FGF13: variants seen among roughly 807,000 people sequenced by gnomAD.
FGF13 encodes fibroblast growth factor 13.
Under a neutral mutation model 19.5 loss-of-function variants are expected in FGF13, and 2 were observed. The ratio of observed to expected loss-of-function variants is 0.10; its 90% confidence interval spans 0.04 to 0.32. The LOEUF is 0.32. Ranked by LOEUF, FGF13 falls within the 10% of genes least tolerant of loss-of-function variation. The pLI is 1.00. For synonymous variants in FGF13, 72 were observed against 76.9 expected, an observed-to-expected ratio of 0.94 and a Z score of 0.33; for missense variants, 113 against 192.7, an observed-to-expected ratio of 0.59 and a Z score of 2.45.
At chrX:138,841,704 G>C (rs1366741836) in intron 3 of FGF13, among the ~76,000 whole-genome samples, 4 of 111,298 alleles carry the variant, frequency 3.6e-5, no homozygotes, top group Non-Finnish European at 7.5e-5. Flanking sequence ...AATTAGCTAA[G>C]AGGTAAACTT....
intron 1 of FGF13, among the ~76,000 whole-genome samples, chrX:139,009,194 G>A: frequency 8.9e-6 from 1 of 112,079 alleles, no homozygotes; most frequent in East Asian, 2.8e-4. Context: ...TGTTCCTGAG[G>A]AAGAAGAGAA....
At chrX:138,875,995 TACACACACACACAC>T (rs749175408) in intron 1 of FGF13, among the ~76,000 whole-genome samples, 3 of 98,062 alleles carry the variant, frequency 3.1e-5, no homozygotes, top group African/African-American at 7.4e-5. Flanking sequence ...TATCGGCTTG[TACACACACACACAC>T]ACACACACAC....
intron 1 of FGF13, among the ~76,000 whole-genome samples, chrX:138,969,555 G>T (rs1184503049): frequency 1.8e-5 from 2 of 111,416 alleles, no homozygotes; most frequent in Non-Finnish European, 3.8e-5. Context: ...TAAGGTTGTG[G>T]GGTGTCACAT....
downstream of FGF13, among the ~76,000 whole-genome samples, chrX:138,856,489 T>A (rs1347772039): frequency 8.9e-6 from 1 of 111,839 alleles, no homozygotes; most frequent in African/African-American, 3.3e-5. Flanking sequence ...AGGATTCCCA[T>A]AATGATGCAA....
At position 138,658,267 on chromosome X, in the gene FGF13, T is replaced by C. The variant is rs183400504; in HGVS notation, c.403-22612A>G. ...ACTGTCAAAACAGACAAGTTTCCTT[T>C]AAATAAAGGTGTAAGCAAATACAAC... On this transcript the variant is annotated intron_variant, in intron 3 of 4. Coordinates refer to ENST00000315930, the MANE Select transcript of FGF13 (RefSeq NM_004114.5). Among the ~76,000 whole-genome samples the C allele has an allele frequency of 3.5e-3, 396 of 112,457 alleles. 1 individual carries two copies. The highest frequency in any genetic ancestry group is 0.017 in the South Asian group (47 of 2,708).
chrX:138,848,289 C>G (rs1328177630), intron 3 of FGF13, among the ~76,000 whole-genome samples: 6 of 111,326 alleles, frequency 5.4e-5, no homozygotes, highest in Non-Finnish European at 1.1e-4. Context: ...CAGCTGAGCC[C>G]TCTATCACAG....
intron 1 of FGF13, among the ~76,000 whole-genome samples, chrX:139,053,197 G>A (rs1400453846): frequency 2.7e-5 from 3 of 111,340 alleles, no homozygotes; most frequent in African/African-American, 9.8e-5. Context: ...TTATGGCTGA[G>A]TAGTATTCCA....
At chrX:138,704,541 G>A in intron 2 of FGF13, among the ~76,000 whole-genome samples, 1 of 112,295 alleles carries the variant, frequency 8.9e-6, no homozygotes, top group East Asian at 2.8e-4. Context: ...GGTAAGAATA[G>A]TTTTTCTGGG....
At chrX:138,824,723 T>A (rs1347933588) in intron 3 of FGF13, among the ~76,000 whole-genome samples, 1 of 111,569 alleles carries the variant, frequency 9.0e-6, no homozygotes, top group Non-Finnish European at 1.9e-5. Flanking sequence ...AAAGAGCCCA[T>A]GATATGTTAA....
At chrX:138,882,663 T>C (rs2091433103) in intron 1 of FGF13, among the ~76,000 whole-genome samples, 1 of 111,820 alleles carries the variant, frequency 8.9e-6, no homozygotes, top group Admixed American at 9.5e-5. Flanking sequence ...TCTCATTTTG[T>C]AGGACTCAGT....
At chrX:138,876,517 G>C (rs2091389957) in intron 1 of FGF13, among the ~76,000 whole-genome samples, 1 of 112,241 alleles carries the variant, frequency 8.9e-6, no homozygotes, top group African/African-American at 3.2e-5. Flanking sequence ...CACATGGCAA[G>C]GGACTTTGGG....
intron 1 of FGF13, among the ~76,000 whole-genome samples, chrX:139,001,833 T>A (rs1361527033): frequency 1.8e-5 from 2 of 111,820 alleles, no homozygotes; most frequent in Non-Finnish European, 3.8e-5. Context: ...GCAACCCCAT[T>A]ACTGAGTATA....
chrX:138,855,092 C>T (rs150576979), downstream of FGF13, among the ~76,000 whole-genome samples: 890 of 111,589 alleles, frequency 8.0e-3, 32 homozygotes, highest in Admixed American at 0.075. Context: ...CTATAACTTA[C>T]GGCAATTAAA....
intron 3 of FGF13, among the ~76,000 whole-genome samples, chrX:138,745,128 T>C (rs186046223): frequency 1.4e-4 from 16 of 112,139 alleles, no homozygotes; most frequent in African/African-American, 4.2e-4. Flanking sequence ...TTCAGTTGTG[T>C]TTCTGACATC....
intron 1 of FGF13, among the ~76,000 whole-genome samples, chrX:139,127,098 A>T (rs2083721977): frequency 9.0e-6 from 1 of 111,616 alleles, no homozygotes; most frequent in Non-Finnish European, 1.9e-5. Context: ...GCCGCAGAAA[A>T]AAAGCACCAT....
intron 1 of FGF13, among the ~76,000 whole-genome samples, chrX:138,735,345 C>T (rs988828395): frequency 5.4e-5 from 6 of 111,805 alleles, no homozygotes; most frequent in African/African-American, 1.9e-4. Flanking sequence ...CTCTGTTGTA[C>T]AAGGCGAAGT....
At chrX:138,804,466 G>A (rs753315453) in intron 3 of FGF13, among the ~76,000 whole-genome samples, 1 of 111,944 alleles carries the variant, frequency 8.9e-6, no homozygotes, top group African/African-American at 3.2e-5. Flanking sequence ...ATCATTATTT[G>A]GAGCCATTAA....
chrX:138,955,751 A>G (rs752255048), intron 1 of FGF13, among the ~76,000 whole-genome samples: 2 of 112,282 alleles, frequency 1.8e-5, no homozygotes, highest in South Asian at 7.5e-4. Flanking sequence ...TTTCTGAGGT[A>G]GCACAGAGAA....
chrX:138,867,829 CT>C (rs11364195), intron 1 of FGF13, among the ~76,000 whole-genome samples: 7,701 of 101,685 alleles, frequency 0.076, 326 homozygotes, highest in East Asian at 0.17. Context: ...ATCTATCTAT[CT>C]ATCATCTATC....
Sources: allele counts gnomAD v4.1 joint callset (sites outside exome capture counted in the v4.1 genomes callset), GRCh38; gene constraint gnomAD v4.1.1; transcripts MANE v1.5; gene names NCBI Gene and HGNC (gene_info 2026-07-23, HGNC 2026-07-21).